USP15: variants seen among roughly 807,000 people sequenced by gnomAD.
The protein encoded by USP15 is ubiquitin carboxyl-terminal hydrolase 15.
USP15 carries 18 observed loss-of-function variants against 127.1 expected under a neutral mutation model. That is an observed-to-expected ratio of 0.14 (90% CI 0.10 to 0.21). The LOEUF (loss-of-function observed/expected upper bound fraction) is 0.21, where lower values mean the gene tolerates loss of function less well. USP15 is among the 10% of genes least tolerant of loss of function. The pLI, the probability that USP15 is intolerant of heterozygous loss-of-function variation, is 1.00. For missense variants in USP15, 805 were observed against 1,159.9 expected (o/e 0.69, Z 4.44); for synonymous variants, 364 against 393.7 (o/e 0.92, Z 0.89).
chr12:62,261,415 G>C (rs1298962631), intron 1 of USP15, among the ~76,000 whole-genome samples: 1 of 152,084 alleles, frequency 6.6e-6, no homozygotes, highest in Admixed American at 6.5e-5. Context: ...GAAGCATAAT[G>C]TGCCTCTTCA....
intron 7 of USP15, 87 bp from the exon 8 acceptor site, chr12:62,355,244 A>C: frequency 1.7e-6 from 2 of 1,167,908 alleles, no homozygotes; most frequent in South Asian, 2.0e-5. Flanking sequence ...GATCAACCAC[A>C]TATCTCATAA....
intron 14 of USP15, among the ~76,000 whole-genome samples, chr12:62,390,424 A>G (rs941984440): frequency 6.6e-6 from 1 of 152,124 alleles, no homozygotes. Context: ...TTCCTGAATA[A>G]ATCCCTTGAT....
At chr12:62,313,354 G>A (rs183874346) in intron 3 of USP15, among the ~76,000 whole-genome samples, 59 of 151,494 alleles carry the variant, frequency 3.9e-4, no homozygotes, top group Admixed American at 1.2e-3. Context: ...TCATAATGGG[G>A]GTTTTGTTTT....
chr12:62,389,299 T>G (rs896471095), intron 11 of USP15, 132 bp from the exon 12 acceptor site: 11 of 707,030 alleles, frequency 1.6e-5, no homozygotes, highest in Non-Finnish European at 2.6e-5. Context: ...GGACCCAGGA[T>G]AGTGGCAAGA....
At chr12:62,399,735 T>G (rs1284925939) in intron 20 of USP15, among the ~76,000 whole-genome samples, 1 of 152,156 alleles carries the variant, frequency 6.6e-6, no homozygotes, top group Non-Finnish European at 1.5e-5. Context: ...TATGAAACAT[T>G]TCTTCCACAT....
chr12:62,336,498 C>T (rs763150525), intron 6 of USP15: 137 of 984,704 alleles, frequency 1.4e-4, no homozygotes, highest in South Asian at 4.2e-4. Context: ...TACCCCTTTA[C>T]ATTCTTGAAA....
At chr12:62,360,203 C>CA (rs2066270850) in intron 8 of USP15, among the ~76,000 whole-genome samples, 1 of 151,940 alleles carries the variant, frequency 6.6e-6, no homozygotes, top group Non-Finnish European at 1.5e-5. Context: ...TTTACTTGGA[C>CA]ATAATAGAGC....
chr12:62,388,117 A>ATTTTTTTTTTTTTTTTTTTTTTT (rs58192089), intron 11 of USP15, among the ~76,000 whole-genome samples: 8 of 106,584 alleles, frequency 7.5e-5, no homozygotes, highest in African/African-American at 7.1e-5. Flanking sequence ...AATGGTGAAG[A>ATTTTTTTTTTTTTTTTTTTTTTT]TTTTTTTTTT....
At position 62,412,944 on chromosome 12, in the gene USP15, A is replaced by G. The variant is rs1479262407; in HGVS notation, c.*8569A>G. 6.6e-6 allele frequency: 1 copy of G among 152,250 alleles called. No homozygotes were observed. Among genetic ancestry groups the G allele is most frequent in the Non-Finnish European group, 1.5e-5 (1 of 68,052 alleles). The allele number at this position is 152,250 out of a possible 1,614,324, so 9.4% of individuals were successfully genotyped here. A position where few individuals can be genotyped will look rare whatever the true frequency, so the allele number is the denominator to read the frequency against. The stretch of plus-strand genomic sequence containing the variant: ...GAAGGTTTTTATTTTGCCCAGATCC[A>G]TCAGAGGAATCACTATCTATGAAAG... On this transcript the variant is annotated 3_prime_UTR_variant, in exon 22 of 22. Coordinates refer to ENST00000280377, the MANE Select transcript of USP15 (RefSeq NM_001252078.2).
chr12:62,339,582 T>G (rs1013595272), intron 6 of USP15, among the ~76,000 whole-genome samples: 5 of 152,174 alleles, frequency 3.3e-5, no homozygotes, highest in Non-Finnish European at 7.3e-5. Flanking sequence ...TTATTGAGAG[T>G]TTTTAACATG....
rs190725485 is a variant in USP15, at chr12:62,395,286, C to T, written c.2571-1009C>T. Among the ~76,000 whole-genome samples the T allele has an allele frequency of 7.9e-5, 12 of 152,118 alleles. No individual in the cohort carries two copies. In the East Asian group the frequency reaches 2.3e-3, roughly 29 times the overall value. On this transcript the variant is annotated intron_variant, in intron 19 of 21. Transcript: ENST00000280377. ...ATGGTCAATAGTGATGACTGTTTTT[C>T]CTGGTATACTGAGAGTTAAATGTGT...
At chr12:62,375,496 C>T (rs2066798766) in intron 8 of USP15, among the ~76,000 whole-genome samples, 1 of 152,028 alleles carries the variant, frequency 6.6e-6, no homozygotes, top group South Asian at 2.1e-4. Flanking sequence ...CCCTGAGGTA[C>T]AAGGGTGAAT....
intron 19 of USP15, among the ~76,000 whole-genome samples, chr12:62,395,421 T>C (rs560943767): frequency 7.2e-5 from 11 of 152,118 alleles, no homozygotes; most frequent in Non-Finnish European, 1.6e-4. Flanking sequence ...GTACATGAGA[T>C]GTTTTGATGG....
In USP15 at chr12:62,320,305, C is replaced by T. The variant is rs927982989; in HGVS notation, c.476-1159C>T. Among the ~76,000 whole-genome samples, 8 of 152,032 alleles carry T rather than the reference C, an allele frequency of 5.3e-5. 1 individual carries two copies. The highest frequency in any genetic ancestry group is 4.1e-4 in the South Asian group (2 of 4,826). On this transcript the variant is annotated intron_variant, in intron 4 of 21. Coordinates refer to ENST00000280377, the MANE Select transcript of USP15 (RefSeq NM_001252078.2). ...TGTTTGTGTGTAGCACTTCCCCCTT[C>T]GCACTCTCTCCTGCTCCTCCATGAT...
intron 20 of USP15, among the ~76,000 whole-genome samples, chr12:62,400,977 AAAG>A (rs945436722): frequency 1.3e-5 from 2 of 152,098 alleles, no homozygotes; most frequent in African/African-American, 4.8e-5. Flanking sequence ...TGAGATGAAA[AAAG>A]AATGTTTCAA....
At chr12:62,296,710 G>A (rs1342077866) in intron 2 of USP15, among the ~76,000 whole-genome samples, 1 of 151,406 alleles carries the variant, frequency 6.6e-6, no homozygotes, top group African/African-American at 2.4e-5. Context: ...CTCCAGATGA[G>A]CCCAAAACTG....
chr12:62,303,607 C>T (rs960515302), intron 3 of USP15: 1 of 151,860 alleles, frequency 6.6e-6, no homozygotes, highest in African/African-American at 2.4e-5. Context: ...CCGACCCTCC[C>T]CCCATCCCCC....
intron 1 of USP15, chr12:62,267,106 A>G (rs1417103388): frequency 6.6e-6 from 1 of 152,156 alleles, no homozygotes; most frequent in Non-Finnish European, 1.5e-5. Context: ...TTCAACAATT[A>G]CTAAATACTT....
At chr12:62,332,169 GAAA>G (rs909177150) in intron 6 of USP15, among the ~76,000 whole-genome samples, 2 of 101,162 alleles carry the variant, frequency 2.0e-5, no homozygotes, top group South Asian at 3.2e-4. Flanking sequence ...GTCTCAAAAA[GAAA>G]AAAAAAAAAA....
Sources: allele counts gnomAD v4.1 joint callset (sites outside exome capture counted in the v4.1 genomes callset), GRCh38; gene constraint gnomAD v4.1.1; transcripts MANE v1.5; gene names NCBI Gene and HGNC (gene_info 2026-07-23, HGNC 2026-07-21).